GRM5: variants seen among roughly 807,000 people sequenced by gnomAD.
GRM5 encodes metabotropic glutamate receptor 5.
Under a neutral mutation model 83.1 loss-of-function variants are expected in GRM5, and 19 were observed. The observed-to-expected ratio is 0.23, with a 90% CI of 0.16 to 0.34. The LOEUF (loss-of-function observed/expected upper bound fraction) is 0.34, where lower values mean the gene tolerates loss of function less well. Among genes scored for constraint, GRM5 ranks in the 10% least tolerant of loss-of-function variants. The pLI, the probability that GRM5 is intolerant of heterozygous loss-of-function variation, is 1.00. For missense variants in GRM5, 1,160 were observed against 1,588.3 expected, an observed-to-expected ratio of 0.73 and a Z score of 4.58; for synonymous variants, 675 against 633.6, an observed-to-expected ratio of 1.07 and a Z score of -0.98.
At chr11:88,668,170 C>T (rs1399731686) in intron 3 of GRM5, among the ~76,000 whole-genome samples, 1 of 151,484 alleles carries the variant, frequency 6.6e-6, no homozygotes, top group East Asian at 1.9e-4. Flanking sequence ...TTTTATATCT[C>T]TTAAATCAGT....
intron 3 of GRM5, among the ~76,000 whole-genome samples, chr11:88,670,811 A>G (rs1208694714): frequency 2.6e-5 from 4 of 152,104 alleles, no homozygotes; most frequent in Non-Finnish European, 4.4e-5. Context: ...AGTTCAGTAT[A>G]AAATGGAAAG....
At chr11:88,916,349 C>T (rs992079565) in intron 2 of GRM5, among the ~76,000 whole-genome samples, 2 of 152,090 alleles carry the variant, frequency 1.3e-5, no homozygotes, top group Admixed American at 1.3e-4. Flanking sequence ...AATCTGTATG[C>T]TTGGTAGAAG....
chr11:88,775,690 G>A (rs1359565678), intron 3 of GRM5, among the ~76,000 whole-genome samples: 1 of 152,010 alleles, frequency 6.6e-6, no homozygotes, highest in East Asian at 1.9e-4. Context: ...CCTTCATTTC[G>A]TTATTTACCC....
chr11:88,555,249 G>C lies in GRM5; in HGVS notation c.2630+11804C>G, dbSNP rs541061725. On this transcript the variant is annotated intron_variant, in intron 8 of 9. Transcript: ENST00000305447. ...ATCTATGTTGTGATTCCTAACCCAGGAATGTCATCATTACTTGGAAGTTCC... is the reference window on the plus strand; with the variant it reads ...ATCTATGTTGTGATTCCTAACCCAGCAATGTCATCATTACTTGGAAGTTCC... Among the ~76,000 whole-genome samples, 20 of 152,240 alleles carry C rather than the reference G, an allele frequency of 1.3e-4. No individual in the cohort carries two copies. In the South Asian group the frequency reaches 4.1e-3, roughly 32 times the overall value.
intron 3 of GRM5, among the ~76,000 whole-genome samples, chr11:88,660,020 A>G (rs1292886000): frequency 6.6e-6 from 1 of 152,218 alleles, no homozygotes; most frequent in African/African-American, 2.4e-5. Context: ...ATTTCAATTT[A>G]TTAATTCACT....
At chr11:88,519,137 G>A (rs573107764) in intron 9 of GRM5, among the ~76,000 whole-genome samples, 2 of 151,554 alleles carry the variant, frequency 1.3e-5, no homozygotes, top group South Asian at 4.2e-4. Flanking sequence ...ATTAGAGTTG[G>A]GTTTTGAAAC....
At chr11:88,553,562 C>T (rs1007841655) in intron 8 of GRM5, among the ~76,000 whole-genome samples, 10 of 152,060 alleles carry the variant, frequency 6.6e-5, no homozygotes, top group Non-Finnish European at 7.4e-5. Context: ...CAGTGGGATC[C>T]AGAGTAAAAG....
chr11:88,586,952 T>C (rs1355301031), intron 7 of GRM5, among the ~76,000 whole-genome samples: 1 of 152,144 alleles, frequency 6.6e-6, no homozygotes, highest in Admixed American at 6.6e-5. Context: ...AGGCTGGCCT[T>C]AATACCTACT....
intron 4 of GRM5, among the ~76,000 whole-genome samples, chr11:88,608,056 C>G (rs1419298467): frequency 2.6e-5 from 4 of 152,154 alleles, no homozygotes; most frequent in Admixed American, 2.0e-4. Flanking sequence ...TCCAGGGTCC[C>G]TTATCTGCTA....
rs139892638 is a variant in GRM5 at position 88,586,819 on chromosome 11, C to A, written c.1690+3782G>T. ...CCTACCCAGACCACCCACACACATA[C>A]ACACACTCACATGTATGCACCTAGC... On this transcript the variant is annotated intron_variant, in intron 7 of 9. Transcript: ENST00000305447. 8.2e-4 allele frequency among the ~76,000 whole-genome samples: 125 copies of A among 152,306 alleles called. 1 individual carries two copies. Among genetic ancestry groups the A allele is most frequent in the Middle Eastern group, 3.4e-3 (1 of 294 alleles).
chr11:88,775,778 A>T (rs540260805), intron 3 of GRM5, among the ~76,000 whole-genome samples: 1 of 152,288 alleles, frequency 6.6e-6, no homozygotes, highest in East Asian at 1.9e-4. Flanking sequence ...CCTGAGTACT[A>T]ATTTGATTGC....
At chr11:88,941,422 G>A (rs537515623) in intron 2 of GRM5, among the ~76,000 whole-genome samples, 1 of 144,154 alleles carries the variant, frequency 6.9e-6, no homozygotes, top group Non-Finnish European at 1.5e-5. Context: ...GGGAGAAGAG[G>A]AGAAGAGACG....
At chr11:88,515,849 G>A (rs1235366943) in intron 9 of GRM5, among the ~76,000 whole-genome samples, 3 of 152,212 alleles carry the variant, frequency 2.0e-5, no homozygotes, top group Admixed American at 2.0e-4. Flanking sequence ...ACTTTGTGGA[G>A]GAATTCAGCT....
intron 4 of GRM5, among the ~76,000 whole-genome samples, chr11:88,619,986 A>C (rs182965028): frequency 2.6e-5 from 4 of 152,280 alleles, no homozygotes; most frequent in Non-Finnish European, 4.4e-5. Context: ...TTCTTTATGC[A>C]TATGGCAAAT....
At chr11:89,053,536 C>A (rs1378370520) in intron 1 of GRM5, among the ~76,000 whole-genome samples, 2 of 152,116 alleles carry the variant, frequency 1.3e-5, no homozygotes, top group Non-Finnish European at 2.9e-5. Flanking sequence ...GTAGCACACC[C>A]TTCTATGCCC....
At chr11:88,764,091 G>A (rs1028198567) in intron 3 of GRM5, among the ~76,000 whole-genome samples, 1 of 151,552 alleles carries the variant, frequency 6.6e-6, no homozygotes, top group African/African-American at 2.4e-5. Context: ...AGAAAAAAGA[G>A]ACTTTAAATT....
At chr11:88,745,453 G>A (rs1422046711) in intron 3 of GRM5, among the ~76,000 whole-genome samples, 1 of 151,924 alleles carries the variant, frequency 6.6e-6, no homozygotes, top group Non-Finnish European at 1.5e-5. Flanking sequence ...CTATCCACCT[G>A]TCTCAGCCTC....
chr11:88,962,106 G>T (rs1938802442), intron 2 of GRM5, among the ~76,000 whole-genome samples: 1 of 152,186 alleles, frequency 6.6e-6, no homozygotes, highest in Admixed American at 6.5e-5. Context: ...AAAGTCAGTG[G>T]CAGAGGTATG....
intron 4 of GRM5, among the ~76,000 whole-genome samples, chr11:88,635,306 C>T (rs2135277384): frequency 6.6e-6 from 1 of 152,240 alleles, no homozygotes; most frequent in East Asian, 1.9e-4. Flanking sequence ...ACAGGGTTCC[C>T]TTTTCTCTAC....
Sources: gnomAD v4.1 joint callset for allele counts (sites outside exome capture counted in the v4.1 genomes callset) on GRCh38, gnomAD v4.1.1 for gene constraint, MANE v1.5 for transcripts, NCBI Gene and HGNC (gene_info 2026-07-23, HGNC 2026-07-21) for gene names.